The following NDUFV2 variants were observed in gnomAD, a reference collection of about 807,000 sequenced individuals.
NDUFV2 encodes the protein NADH:ubiquinone oxidoreductase core subunit V2.
A neutral mutation model predicts 31.6 loss-of-function variants in NDUFV2; 18 were observed. The observed-to-expected ratio is 0.57, with a 90% CI of 0.39 to 0.84. The LOEUF (loss-of-function observed/expected upper bound fraction) is 0.84. Among genes scored for constraint, NDUFV2 ranks in the 40% least tolerant of loss-of-function variants. NDUFV2 has a pLI of 0.00. For synonymous variants in NDUFV2, 83 were observed against 99.8 expected, an observed-to-expected ratio of 0.83 and a Z score of 1.01; for missense variants, 314 against 303.6, an observed-to-expected ratio of 1.03 and a Z score of -0.26.
rs1168712044 is a variant in NDUFV2 at position 9,119,306 on chromosome 18, A to G, written c.121-20A>G. ...TTGAGAGAATTTGGATAAGTCTGAA[A>G]AACTGTTTTTGTTGTGTAGCACAGA... On this transcript the variant is annotated intron_variant, in intron 2 of 7. Coordinates refer to ENST00000318388, the MANE Select transcript of NDUFV2 (RefSeq NM_021074.5). The G allele has an allele frequency of 6.2e-7, 1 of 1,602,320 alleles. No individual in the cohort carries two copies. Among genetic ancestry groups the G allele is most frequent in the Middle Eastern group, 1.7e-4 (1 of 6,002 alleles).
At position 9,103,909 on chromosome 18, in the gene NDUFV2, C is replaced by T. The variant is rs150908964; in HGVS notation, c.54+1112C>T. 847 of 440,428 alleles carry T rather than the reference C, an allele frequency of 1.9e-3. 6 individuals carry two copies. Among genetic ancestry groups the T allele is most frequent in the African/African-American group, 0.016 (785 of 50,442 alleles). The allele number at this position is 440,428 out of a possible 1,614,324, so 27.3% of individuals were successfully genotyped here. On this transcript the variant is annotated intron_variant, in intron 1 of 7. Coordinates refer to ENST00000318388, the MANE Select transcript of NDUFV2 (RefSeq NM_021074.5). ...AGCACCGAGTTAAATATCTACATTC[C>T]ACATCTCATTTTTGAGGCTGGTATT...
In NDUFV2 at chr18:9,122,567, T is replaced by A. The variant is rs1441611061; in HGVS notation, c.355T>A (p.Tyr119Asn). ...PMRVYEVATF[Y>N]TMYNRKPVGK... ...GAGAGTATATGAAGTAGCAACTTTTTATACAATGTATAATCGAAAGCCAGT... is the reference window on the plus strand; with the variant it reads ...GAGAGTATATGAAGTAGCAACTTTTAATACAATGTATAATCGAAAGCCAGT... Residue 119 changes from tyrosine to asparagine, a missense_variant, in exon 5 of 8, where the codon TAT becomes AAT. Tyr to Asn is a moderately radical substitution (Grantham distance 143). Transcript: ENST00000318388. The A allele has an allele frequency of 1.2e-6, 2 of 1,614,070 alleles. No homozygotes were observed. Among genetic ancestry groups the A allele is most frequent in the Admixed American group, 3.3e-5 (2 of 60,032 alleles).
At chr18:9,132,270 T>C (rs2078046709) in intron 7 of NDUFV2, 1 of 152,226 alleles carries the variant, frequency 6.6e-6, no homozygotes, top group South Asian at 2.1e-4. Context: ...TTTTATAATC[T>C]TCCTAAATTG....
intron 5 of NDUFV2, among the ~76,000 whole-genome samples, chr18:9,124,256 G>A (rs2077966732): frequency 6.8e-6 from 1 of 147,974 alleles, no homozygotes. Context: ...GCACAATCAT[G>A]ACTACTGTAA....
At chr18:9,122,746 TTTCTATCTA>T in intron 5 of NDUFV2, 65 bp downstream of exon 5, 1 of 1,559,128 alleles carries the variant, frequency 6.4e-7, no homozygotes, top group Non-Finnish European at 8.8e-7. Context: ...ATTTGGTACA[TTTCTATCTA>T]AAATTTCCAA....
chr18:9,104,723 C>T (rs183058089), intron 1 of NDUFV2, among the ~76,000 whole-genome samples: 1 of 151,846 alleles, frequency 6.6e-6, no homozygotes, highest in Non-Finnish European at 1.5e-5. Context: ...CCCCTTCCAC[C>T]CTCCCCCCTT....
chr18:9,129,440 G>A (rs1165323716), intron 7 of NDUFV2, among the ~76,000 whole-genome samples: 1 of 151,982 alleles, frequency 6.6e-6, no homozygotes, highest in Non-Finnish European at 1.5e-5. Context: ...CATTATTTTA[G>A]GTTATGAATA....
At chr18:9,118,770 T>G (rs1448002677) in intron 2 of NDUFV2, among the ~76,000 whole-genome samples, 1 of 151,834 alleles carries the variant, frequency 6.6e-6, no homozygotes, top group Non-Finnish European at 1.5e-5. Flanking sequence ...AGATAAAGCT[T>G]CTTGCTGTTG....
At chr18:9,110,142 C>T (rs2144731551) in intron 1 of NDUFV2, among the ~76,000 whole-genome samples, 1 of 152,232 alleles carries the variant, frequency 6.6e-6, no homozygotes, top group African/African-American at 2.4e-5. Context: ...TGGGTGGGAA[C>T]TCAGCTTATT....
chr18:9,126,997 T>C (rs946417679), intron 7 of NDUFV2, 90 bp downstream of exon 7: 2 of 984,980 alleles, frequency 2.0e-6, no homozygotes, highest in Non-Finnish European at 3.3e-6. Context: ...ATACCTTAAG[T>C]TCATAGGAAT....
At chr18:9,109,149 A>G (rs751486118) in intron 1 of NDUFV2, among the ~76,000 whole-genome samples, 6 of 152,214 alleles carry the variant, frequency 3.9e-5, no homozygotes, top group Non-Finnish European at 5.9e-5. Context: ...GAAGGCACGG[A>G]GGGACCTCAG....
chr18:9,119,243 A>G (rs1357326277), intron 2 of NDUFV2, 83 bp from the exon 3 acceptor site: 29 of 1,062,362 alleles, frequency 2.7e-5, no homozygotes, highest in Non-Finnish European at 4.0e-5. Context: ...AGATTAAACA[A>G]TAAGTAATAG....
In NDUFV2 at chr18:9,119,403, AC is replaced by A; in HGVS notation, c.183+16del. The A allele has an allele frequency of 6.2e-7, 1 of 1,605,414 alleles. No homozygotes were observed. Among genetic ancestry groups the A allele is most frequent in the East Asian group, 2.2e-5 (1 of 44,754 alleles). On this transcript the variant is annotated intron_variant, in intron 3 of 7. Coordinates refer to ENST00000318388, the MANE Select transcript of NDUFV2 (RefSeq NM_021074.5). Reference sequence around the variant, plus strand: ...AAAACTATAAGGTATGGCTAAATTAACATTATAATTAATTTACCAAATAGGT... The same window carrying A: ...AAAACTATAAGGTATGGCTAAATTAAATTATAATTAATTTACCAAATAGGT...
intron 1 of NDUFV2, among the ~76,000 whole-genome samples, chr18:9,107,584 A>G (rs1006722793): frequency 2.0e-5 from 3 of 152,246 alleles, no homozygotes; most frequent in African/African-American, 7.2e-5. Context: ...AGATTGCTGG[A>G]CAAATAAATG....
intron 2 of NDUFV2, among the ~76,000 whole-genome samples, chr18:9,118,789 G>A (rs2077912354): frequency 7.0e-6 from 1 of 141,886 alleles, no homozygotes; most frequent in Non-Finnish European, 1.5e-5. Context: ...TGGCTATTAT[G>A]GAAAACGTGG....
At chr18:9,120,442 T>C (rs2077926447) in intron 4 of NDUFV2, among the ~76,000 whole-genome samples, 1 of 152,220 alleles carries the variant, frequency 6.6e-6, no homozygotes, top group Non-Finnish European at 1.5e-5. Context: ...TAGGACTGAA[T>C]TCATTTCTAA....
At chr18:9,127,378 G>T (rs990519552) in intron 7 of NDUFV2, among the ~76,000 whole-genome samples, 1 of 152,052 alleles carries the variant, frequency 6.6e-6, no homozygotes, top group East Asian at 1.9e-4. Context: ...ACATAGCTTT[G>T]GTCTCCCTCT....
At chr18:9,123,455 T>G (rs571476886) in intron 5 of NDUFV2, among the ~76,000 whole-genome samples, 1 of 152,292 alleles carries the variant, frequency 6.6e-6, no homozygotes, top group East Asian at 1.9e-4. Flanking sequence ...TTGGCTGTAT[T>G]TCTACAGCAC....
intron 5 of NDUFV2, among the ~76,000 whole-genome samples, chr18:9,124,403 C>T (rs115280759): frequency 0.011 from 1,609 of 149,696 alleles, 22 homozygotes; most frequent in African/African-American, 0.038. Context: ...GATTATAGGA[C>T]GGAGCCACTC....
Sources: gnomAD v4.1 joint callset for allele counts (sites outside exome capture counted in the v4.1 genomes callset) on GRCh38, gnomAD v4.1.1 for gene constraint, MANE v1.5 for transcripts, NCBI Gene and HGNC (gene_info 2026-07-23, HGNC 2026-07-21) for gene names.